The following PCNT variants were observed in gnomAD, a reference collection of about 807,000 sequenced individuals.
PCNT encodes the protein pericentrin.
A neutral mutation model predicts 380.4 loss-of-function variants in PCNT; 319 were observed. The observed-to-expected ratio is 0.84, with a 90% CI of 0.77 to 0.92. The LOEUF (loss-of-function observed/expected upper bound fraction) is 0.92, where lower values mean the gene tolerates loss of function less well. Among genes scored for constraint, PCNT ranks in the 40% least tolerant of loss-of-function variants. The pLI, the probability that PCNT is intolerant of heterozygous loss-of-function variation, is 0.00. For synonymous variants in PCNT, 1,845 were observed against 1,735.2 expected (o/e 1.06, Z -1.57); for missense variants, 4,400 against 4,255.3 (o/e 1.03, Z -0.95).
At chr21:46,443,291 C>T in intron 44 of PCNT, 1 of 167,234 alleles carries the variant, frequency 6.0e-6, no homozygotes, top group Non-Finnish European at 1.3e-5. Context: ...AGTCACAGCT[C>T]ACTGCAGCCT....
In PCNT at chr21:46,430,576, G is replaced by C. The variant is rs553815033; in HGVS notation, c.7983G>C (p.Lys2661Asn). 1 of 1,561,866 alleles carries C rather than the reference G, an allele frequency of 6.4e-7. No individual in the cohort carries two copies. Among genetic ancestry groups the C allele is most frequent in the South Asian group, 1.2e-5 (1 of 84,842 alleles). The change falls in exon 37 of 47, where the codon AAG becomes AAC. Residue 2661 changes from lysine (K) to asparagine (N), a missense_variant. By Grantham distance (94) the Lys-to-Asn change is moderately conservative. Coordinates refer to ENST00000359568, the MANE Select transcript of PCNT (RefSeq NM_006031.6). ...ALQELESEQG[K>N]GRALQSQLEE... ...AGGAGCTGGAGAGTGAGCAGGGGAA[G>C]GGGCGTGCCCTGCAGAGCCAGCTGG...
At position 46,363,927 on chromosome 21, in the gene PCNT, C is replaced by G. The variant is rs775482294; in HGVS notation, c.2602C>G (p.Arg868Gly). The G allele has an allele frequency of 3.7e-6, 6 of 1,606,802 alleles. No individual in the cohort carries two copies. The highest frequency in any genetic ancestry group is 5.1e-6 in the Non-Finnish European group (6 of 1,179,762). ...EDCALQLMLA[R>G]SRFLEERKEI... ...CTGCGCCCTGCAGCTGATGCTGGCC[C>G]GGAGCAGGTGGGTTTGCAGTGACGC... Residue 868 changes from arginine to glycine, a missense_variant, in exon 14 of 47, where the codon CGG becomes GGG. By Grantham distance (125) the Arg-to-Gly change is moderately radical. Transcript: ENST00000359568.
chr21:46,367,271 C>T (rs1569208235), intron 15 of PCNT, 132 bp downstream of exon 15: 6 of 728,652 alleles, frequency 8.2e-6, no homozygotes, highest in African/African-American at 5.3e-5. Context: ...CACAGGCTGC[C>T]GAGATCAGTG....
At position 46,353,327 on chromosome 21, in the gene PCNT, G is replaced by A; in HGVS notation, c.1679+1G>A. ...CTCTTCTGGACTCTGTGGAAGTTGG[G>A]TAAGCAAAGCAGTTCCAGCCTCAGT... On this transcript the variant is annotated splice_donor_variant, in intron 10 of 46. Coordinates refer to ENST00000359568, the MANE Select transcript of PCNT (RefSeq NM_006031.6). LOFTEE classifies it high-confidence loss of function. The A allele has an allele frequency of 6.2e-7, 1 of 1,613,248 alleles. No homozygotes were observed. The highest frequency in any genetic ancestry group is 8.5e-7 in the Non-Finnish European group (1 of 1,179,268).
chr21:46,337,651 C>T (rs766409781), intron 3 of PCNT, among the ~76,000 whole-genome samples: 15 of 152,152 alleles, frequency 9.9e-5, no homozygotes, highest in Non-Finnish European at 1.9e-4. Flanking sequence ...GGCGCGATCT[C>T]GGCTCTCCGC....
rs529295339 is a variant in PCNT, at chr21:46,433,162, ATT to A, written c.8751+949_8751+950del. Among the ~76,000 whole-genome samples the A allele has an allele frequency of 3.6e-3, 552 of 152,116 alleles. 1 individual carries two copies. The highest frequency in any genetic ancestry group is 7.1e-3 in the Non-Finnish European group (480 of 67,992). On this transcript the variant is annotated intron_variant, in intron 38 of 46. Coordinates refer to ENST00000359568, the MANE Select transcript of PCNT (RefSeq NM_006031.6). Reference sequence around the variant, plus strand: ...TTTGGGAGGCCAAGGCAGGCAGATCATTTGAGGTCAGGAGTTCAAGACCAGCC... The same window carrying A: ...TTTGGGAGGCCAAGGCAGGCAGATCATGAGGTCAGGAGTTCAAGACCAGCC...
intron 1 of PCNT, chr21:46,324,805 G>T (rs2083312117): frequency 1.1e-6 from 1 of 875,446 alleles, no homozygotes. Flanking sequence ...GGCCGGGGGC[G>T]TGGCGCGGGT....
At chr21:46,433,296 T>C (rs1326776568) in intron 38 of PCNT, among the ~76,000 whole-genome samples, 2 of 152,198 alleles carry the variant, frequency 1.3e-5, no homozygotes, top group Non-Finnish European at 2.9e-5. Flanking sequence ...GGCAGGAGAA[T>C]TGCTTGAACC....
At chr21:46,394,752 T>A (rs1345516070) in intron 21 of PCNT, among the ~76,000 whole-genome samples, 1 of 152,262 alleles carries the variant, frequency 6.6e-6, no homozygotes, top group African/African-American at 2.4e-5. Flanking sequence ...TTTACTACAG[T>A]GCCTAAGCTA....
At chr21:46,333,487 G>C (rs1435041732) in intron 2 of PCNT, among the ~76,000 whole-genome samples, 2 of 152,062 alleles carry the variant, frequency 1.3e-5, no homozygotes, top group African/African-American at 4.8e-5. Context: ...TGCGCCTGTA[G>C]TCCCAGCTAC....
chr21:46,436,302 C>T (rs1381059368), intron 39 of PCNT, among the ~76,000 whole-genome samples, 154 bp downstream of exon 39: 2 of 152,146 alleles, frequency 1.3e-5, no homozygotes, highest in South Asian at 2.1e-4. Flanking sequence ...TGAGGGATTC[C>T]GGATTGGCAA....
Position 46,422,079 on chromosome 21 carries a change from G to T in PCNT, c.7134G>T (p.Leu2378=). Residue 2378 remains leucine, a synonymous_variant, in exon 32 of 47, where the codon CTG becomes CTT. Coordinates refer to ENST00000359568, the MANE Select transcript of PCNT (RefSeq NM_006031.6). ...CCATCTCTGGAAGGTTTCAGCCGCT[G>T]CCGGAAGCCATGAAGGAGAAGGAAG... ...PASISGRFQP[L]PEAMKEKEVR... 6.2e-7 allele frequency: 1 copy of T among 1,613,950 alleles called. No individual in the cohort carries two copies.
intron 6 of PCNT, 144 bp downstream of exon 6, chr21:46,347,656 C>G: frequency 1.3e-6 from 1 of 770,222 alleles, no homozygotes; most frequent in South Asian, 1.5e-5. Context: ...AAGTGTATTG[C>G]GTTCTTTGTT....
In PCNT at chr21:46,394,980, G is replaced by A. The variant is rs189232943; in HGVS notation, c.4217-2285G>A. Among the ~76,000 whole-genome samples the A allele has an allele frequency of 9.8e-5, 15 of 152,358 alleles. 2 individuals carry two copies. Among genetic ancestry groups the A allele is most frequent in the African/African-American group, 3.6e-4 (15 of 41,586 alleles). On this transcript the variant is annotated intron_variant, in intron 21 of 46. Transcript: ENST00000359568. ...CAGGCACCCTGCCCCAGTGCCCCTG[G>A]CCCTGAAGATGGTGATGTTCTGGGC...
At chr21:46,368,632 G>C (rs769288535) in intron 15 of PCNT, among the ~76,000 whole-genome samples, 2 of 152,246 alleles carry the variant, frequency 1.3e-5, no homozygotes, top group African/African-American at 4.8e-5. Context: ...TCTGCCCTCA[G>C]TGAGGTCTCT....
At chr21:46,406,087 A>G (rs1001838819) in intron 27 of PCNT, among the ~76,000 whole-genome samples, 13 of 152,162 alleles carry the variant, frequency 8.5e-5, no homozygotes, top group African/African-American at 3.1e-4. Flanking sequence ...ATTCTACCCT[A>G]TTTTATGTCA....
rs778388509 is a variant in PCNT, at chr21:46,353,284, A to G, written c.1637A>G (p.Gln546Arg). 6.2e-7 allele frequency: 1 copy of G among 1,614,108 alleles called. No individual in the cohort carries two copies. The highest frequency in any genetic ancestry group is 1.1e-5 in the South Asian group (1 of 91,088). Residue 546 changes from glutamine to arginine, a missense_variant, in exon 10 of 47, where the codon CAG becomes CGG. By Grantham distance (43) the Gln-to-Arg change is conservative. Coordinates refer to ENST00000359568, the MANE Select transcript of PCNT (RefSeq NM_006031.6). ...CTAACCCTGTTACAGCAGAGGCTGC[A>G]GGGGGCGAGGGAAGATGCTCTTCTG... ...EDLTLLQQRL[Q>R]GAREDALLDS...
chr21:46,408,186 C>T (rs1003982127), intron 27 of PCNT, among the ~76,000 whole-genome samples: 2 of 152,158 alleles, frequency 1.3e-5, no homozygotes, highest in African/African-American at 4.8e-5. Context: ...AATTCTGTTT[C>T]GAGTCAGGTG....
chr21:46,417,926 C>T (rs2087098444), intron 30 of PCNT, among the ~76,000 whole-genome samples: 1 of 152,174 alleles, frequency 6.6e-6, no homozygotes, highest in South Asian at 2.1e-4. Context: ...TTAGCAGATA[C>T]ATATTATCTG....
Sources: gnomAD v4.1 joint callset for allele counts (sites outside exome capture counted in the v4.1 genomes callset) on GRCh38, gnomAD v4.1.1 for gene constraint, MANE v1.5 for transcripts, NCBI Gene and HGNC (gene_info 2026-07-23, HGNC 2026-07-21) for gene names.